OR7C1: variants seen among roughly 807,000 people sequenced by gnomAD.
OR7C1 encodes the protein olfactory receptor 7C1.
For synonymous variants in OR7C1, 152 were observed against 160.7 expected, an observed-to-expected ratio of 0.95 and a Z score of 0.41; for missense variants, 324 against 383.3, an observed-to-expected ratio of 0.85 and a Z score of 1.29.
intron 1 of OR7C1, among the ~76,000 whole-genome samples, chr19:14,816,151 C>T (rs2044715401): frequency 6.6e-6 from 1 of 151,990 alleles, no homozygotes; most frequent in African/African-American, 2.4e-5. Context: ...AGGAAACTTT[C>T]AGTGAAAGGA....
At chr19:14,805,895 A>G (rs1568248159) in intron 2 of OR7C1, among the ~76,000 whole-genome samples, 1 of 151,992 alleles carries the variant, frequency 6.6e-6, no homozygotes, top group Non-Finnish European at 1.5e-5. Flanking sequence ...CTATCTAAAA[A>G]TTACAACAGT....
chr19:14,824,298 A>C (rs2044754796), intron 1 of OR7C1: 1 of 152,194 alleles, frequency 6.6e-6, no homozygotes, highest in Admixed American at 6.5e-5. Context: ...GTGTGACACT[A>C]AAGTTTGGGG....
intron 2 of OR7C1, among the ~76,000 whole-genome samples, chr19:14,809,382 A>G (rs759373972): frequency 1.7e-4 from 26 of 152,060 alleles, no homozygotes; most frequent in Non-Finnish European, 3.1e-4. Context: ...GCAGGAAGAG[A>G]GTGGCCCTGG....
At chr19:14,818,819 ATAGTT>A (rs1285647445) in intron 1 of OR7C1, among the ~76,000 whole-genome samples, 1 of 152,118 alleles carries the variant, frequency 6.6e-6, no homozygotes, top group Non-Finnish European at 1.5e-5. Flanking sequence ...TGCATTTTAG[ATAGTT>A]TAGAGAGTTT....
chr19:14,822,212 T>C (rs2044743989), intron 1 of OR7C1, among the ~76,000 whole-genome samples: 1 of 152,156 alleles, frequency 6.6e-6, no homozygotes, highest in Non-Finnish European at 1.5e-5. Context: ...TTCCTTTGGC[T>C]ATATATGCAG....
At chr19:14,807,405 G>T (rs2044670822) in intron 2 of OR7C1, among the ~76,000 whole-genome samples, 1 of 151,862 alleles carries the variant, frequency 6.6e-6, no homozygotes, top group Non-Finnish European at 1.5e-5. Context: ...GCAAAATCAT[G>T]GAGAGTTGAA....
At chr19:14,827,950 G>A in intron 1 of OR7C1, 1 of 1,614,204 alleles carries the variant, frequency 6.2e-7, no homozygotes, top group Non-Finnish European at 8.5e-7. Context: ...ATCTGCATGA[G>A]GCAGGCTATG....
intron 2 of OR7C1, among the ~76,000 whole-genome samples, chr19:14,802,662 CT>C (rs1218091334): frequency 6.6e-6 from 1 of 152,166 alleles, no homozygotes; most frequent in Non-Finnish European, 1.5e-5. Flanking sequence ...CCACAAGTGT[CT>C]GGGGAAAAGC....
At chr19:14,832,705 C>T (rs2044845502) in intron 1 of OR7C1, among the ~76,000 whole-genome samples, 1 of 151,820 alleles carries the variant, frequency 6.6e-6, no homozygotes, top group African/African-American at 2.4e-5. Flanking sequence ...GATTACAGGC[C>T]TGAGCCACAG....
At chr19:14,803,355 T>TTTACATAG (rs1359686674) in intron 2 of OR7C1, among the ~76,000 whole-genome samples, 1 of 150,112 alleles carries the variant, frequency 6.7e-6, no homozygotes, top group Non-Finnish European at 1.5e-5. Context: ...AGGTGTGACG[T>TTTACATAG]TTACATAGTC....
intron 1 of OR7C1, among the ~76,000 whole-genome samples, chr19:14,833,619 C>T (rs2044855507): frequency 6.6e-6 from 1 of 152,112 alleles, no homozygotes; most frequent in African/African-American, 2.4e-5. Flanking sequence ...ATATTTTAAA[C>T]TTTTTATGGC....
At chr19:14,809,237 A>G (rs2044679841) in intron 2 of OR7C1, among the ~76,000 whole-genome samples, 1 of 152,006 alleles carries the variant, frequency 6.6e-6, no homozygotes, top group South Asian at 2.1e-4. Flanking sequence ...ACGCTGAAGT[A>G]AAACTCACAC....
At chr19:14,833,705 A>G (rs1273374374) in intron 1 of OR7C1, among the ~76,000 whole-genome samples, 4 of 152,220 alleles carry the variant, frequency 2.6e-5, no homozygotes, top group African/African-American at 9.6e-5. Context: ...ACTGTATAAA[A>G]ATGGGCATAT....
intron 1 of OR7C1, chr19:14,828,399 C>G: frequency 1.2e-6 from 1 of 801,658 alleles, no homozygotes. Context: ...ATCTCCATGT[C>G]ATCTCTGATT....
chr19:14,799,751 G>C lies in OR7C1; in HGVS notation c.386C>G (p.Pro129Arg), dbSNP rs113167522. The C allele has an allele frequency of 1.1e-5, 18 of 1,614,076 alleles. 1 individual carries two copies. The South Asian group carries it at 2.0e-4, about 18-fold the overall frequency. ...GTTCATGATGACCGTATAGTGCAGGGGGTGACAGACGGCCACGAAGCGGTC... is the reference window on the plus strand; with the variant it reads ...GTTCATGATGACCGTATAGTGCAGGCGGTGACAGACGGCCACGAAGCGGTC... Residue 129 changes from proline (P) to arginine (R), a missense_variant, in exon 5 of 5, where the codon CCC becomes CGC. Transcript: ENST00000641666.
intron 1 of OR7C1, among the ~76,000 whole-genome samples, chr19:14,812,413 C>T (rs1441716965): frequency 2.6e-5 from 4 of 152,186 alleles, no homozygotes; most frequent in Non-Finnish European, 5.9e-5. Flanking sequence ...ACTTAGAAAC[C>T]GATGTTATCC....
intron 1 of OR7C1, chr19:14,828,364 G>A (rs2044796155): frequency 4.4e-6 from 5 of 1,139,884 alleles, no homozygotes; most frequent in Non-Finnish European, 6.2e-6. Context: ...TACATTTTGT[G>A]TATGAATCTG....
Position 14,799,592 on chromosome 19 carries a change from A to G in OR7C1, c.545T>C (p.Leu182Pro). 3 of 1,614,184 alleles carry G rather than the reference A, an allele frequency of 1.9e-6. No individual in the cohort carries two copies. Among genetic ancestry groups the G allele is most frequent in the Non-Finnish European group, 2.5e-6 (3 of 1,180,030 alleles). Reference sequence around the variant, plus strand: ...AGAACAGGCGAGCTTCAGGACTTCAAGTAGATCACAAAAAAAGTGTGGAAT... The same window carrying G: ...AGAACAGGCGAGCTTCAGGACTTCAGGTAGATCACAAAAAAAGTGTGGAAT... Residue 182 changes from leucine (L) to proline (P), a missense_variant, in exon 5 of 5, where the codon CTT becomes CCT. Transcript: ENST00000641666.
intron 2 of OR7C1, among the ~76,000 whole-genome samples, chr19:14,805,406 ATTTTTTTTTTTTTT>A (rs33957500): frequency 6.1e-5 from 6 of 98,104 alleles, no homozygotes; most frequent in African/African-American, 1.6e-4. Context: ...CAGGAAAATA[ATTTTTTTTTTTTTT>A]TTTTTTTTTT....
Sources: allele counts gnomAD v4.1 joint callset (sites outside exome capture counted in the v4.1 genomes callset), GRCh38; gene constraint gnomAD v4.1.1; transcripts MANE v1.5; gene names NCBI Gene and HGNC (gene_info 2026-07-23, HGNC 2026-07-21).